The following ARRB1 variants were observed in gnomAD, a reference collection of about 807,000 sequenced individuals.
ARRB1 encodes the protein arrestin beta 1.
A neutral mutation model predicts 56.8 loss-of-function variants in ARRB1; 21 were observed. That is an observed-to-expected ratio of 0.37 (90% confidence interval 0.26 to 0.53). ARRB1 has a LOEUF of 0.53. ARRB1 is among the 20% of genes least tolerant of loss of function. The pLI is 0.88. For missense variants in ARRB1, 424 were observed against 553.7 expected (o/e 0.77, Z 2.35); for synonymous variants, 210 against 218.6 (o/e 0.96, Z 0.35).
At chr11:75,315,013 C>A (rs1171104452) in intron 1 of ARRB1, among the ~76,000 whole-genome samples, 2 of 152,176 alleles carry the variant, frequency 1.3e-5, no homozygotes, top group Non-Finnish European at 1.5e-5. Flanking sequence ...GAGAGCAGGG[C>A]CTGCACTCGG....
At chr11:75,314,860 G>A (rs546884298) in intron 1 of ARRB1, among the ~76,000 whole-genome samples, 9 of 152,254 alleles carry the variant, frequency 5.9e-5, no homozygotes, top group African/African-American at 1.9e-4. Flanking sequence ...ACCCGCCTCG[G>A]CCTCCCAAAG....
At chr11:75,297,140 G>T (rs1676603178) in intron 1 of ARRB1, among the ~76,000 whole-genome samples, 1 of 152,130 alleles carries the variant, frequency 6.6e-6, no homozygotes, top group Non-Finnish European at 1.5e-5. Flanking sequence ...ATGTTAAGAT[G>T]CCTACGCTCC....
chr11:75,261,198 G>GTGTGTGTGTGTGTA lies in ARRB1; in HGVS notation c.*4964_*4965insTACACACACACACA, dbSNP rs1945781853. On this transcript the variant is annotated 3_prime_UTR_variant, in exon 16 of 16. Coordinates refer to ENST00000420843, the MANE Select transcript of ARRB1 (RefSeq NM_004041.5). ...ACTATGTACGTGTGTGTGTGTGTGT[G>GTGTGTGTGTGTGTA]TGTGTGTGTGTGTGTGTGTGTGTAT... 6.6e-6 allele frequency: 1 copy of GTGTGTGTGTGTGTA among 151,736 alleles called. No homozygotes were observed. Among genetic ancestry groups the GTGTGTGTGTGTGTA allele is most frequent in the African/African-American group, 2.4e-5 (1 of 41,108 alleles). The allele number at this position is 151,736 out of a possible 1,614,324, so 9.4% of individuals were successfully genotyped here. A position where few individuals can be genotyped will look rare whatever the true frequency, so the allele number is the denominator to read the frequency against.
At chr11:75,305,024 T>TC (rs1451865212) in intron 1 of ARRB1, among the ~76,000 whole-genome samples, 28 of 136,590 alleles carry the variant, frequency 2.0e-4, no homozygotes, top group Middle Eastern at 3.6e-3. Flanking sequence ...CTTTCTTTTT[T>TC]TTTTTTTTTT....
intron 6 of ARRB1, 49 bp from the exon 7 acceptor site, chr11:75,281,191 C>T: frequency 6.5e-7 from 1 of 1,531,324 alleles, no homozygotes; most frequent in Non-Finnish European, 8.9e-7. Flanking sequence ...AGCAGGGTCC[C>T]CAGTACACAG....
intron 1 of ARRB1, among the ~76,000 whole-genome samples, chr11:75,321,016 A>G (rs974046961): frequency 3.9e-5 from 6 of 152,098 alleles, no homozygotes; most frequent in Admixed American, 1.3e-4. Flanking sequence ...ACAGACACAC[A>G]CATACACTCA....
intron 1 of ARRB1, among the ~76,000 whole-genome samples, chr11:75,299,560 G>A (rs996745543): frequency 3.9e-5 from 6 of 152,044 alleles, no homozygotes; most frequent in Admixed American, 2.6e-4. Context: ...ATGTTTCTGT[G>A]AATCCTGAGA....
chr11:75,283,361 T>C lies in ARRB1; in HGVS notation c.280A>G (p.Lys94Glu). The C allele has an allele frequency of 6.2e-7, 1 of 1,614,136 alleles. No individual in the cohort carries two copies. The highest frequency in any genetic ancestry group is 1.3e-5 in the African/African-American group (1 of 75,046). ...VQSFPPAPEDKKPLTRLQERL... is the reference protein window; with the variant it reads ...VQSFPPAPEDEKPLTRLQERL... ...TCCTGCAGCCGCGTCAGGGGCTTCT[T>C]GTCCTCGGGGGCCGGTGGGAACGAC... Residue 94 changes from lysine to glutamate, a missense_variant, in exon 5 of 16, where the codon AAG (lysine) becomes GAG (glutamate). By Grantham distance (56) the Lys-to-Glu change is moderately conservative. Around this residue, in one of 3 missense-constraint regions of ARRB1, gnomAD observed 301 missense variants for 387.9 expected, o/e 0.78. Transcript: ENST00000420843.
At chr11:75,331,257 C>T (rs561535392) in intron 1 of ARRB1, among the ~76,000 whole-genome samples, 2 of 152,220 alleles carry the variant, frequency 1.3e-5, no homozygotes, top group African/African-American at 4.8e-5. Flanking sequence ...GTGATCCGTC[C>T]GCCTAGGCCT....
intron 13 of ARRB1, 113 bp from the exon 14 acceptor site, chr11:75,269,072 T>C: frequency 8.3e-7 from 1 of 1,207,458 alleles, no homozygotes; most frequent in Non-Finnish European, 1.2e-6. Flanking sequence ...TCAGAGGAGG[T>C]AGATCCAAAA....
intron 1 of ARRB1, among the ~76,000 whole-genome samples, chr11:75,322,033 A>T (rs1283682426): frequency 6.6e-6 from 1 of 152,238 alleles, no homozygotes; most frequent in African/African-American, 2.4e-5. Context: ...TCATACAAAC[A>T]AGTATATGGT....
chr11:75,268,418 T>C (rs758297939), intron 14 of ARRB1, among the ~76,000 whole-genome samples: 1 of 145,246 alleles, frequency 6.9e-6, no homozygotes, highest in East Asian at 2.0e-4. Flanking sequence ...GGCAGGAGAA[T>C]CTCTTGAGCC....
intron 13 of ARRB1, among the ~76,000 whole-genome samples, chr11:75,270,604 C>A (rs915843448): frequency 6.7e-4 from 101 of 150,996 alleles, no homozygotes; most frequent in Non-Finnish European, 1.2e-3. Context: ...TCCAGCCTAC[C>A]CGACAGAGTG....
rs1232348403 is a variant in ARRB1, at chr11:75,262,217, G to T, written c.*3946C>A. 6.6e-6 allele frequency: 1 copy of T among 152,236 alleles called. No individual in the cohort carries two copies. The allele number at this position is 152,236 out of a possible 1,614,324, so 9.4% of individuals were successfully genotyped here. A position where few individuals can be genotyped will look rare whatever the true frequency, so the allele number is the denominator to read the frequency against. On this transcript the variant is annotated 3_prime_UTR_variant, in exon 16 of 16. Coordinates refer to ENST00000420843, the MANE Select transcript of ARRB1 (RefSeq NM_004041.5). The stretch of plus-strand genomic sequence containing the variant: ...TTTCAGCTCCCTGAGCCTGGGGGCT[G>T]GTGGCTCTCTTTAACCTGGGTCAGA...
intron 1 of ARRB1, among the ~76,000 whole-genome samples, chr11:75,337,385 A>G (rs1445437268): frequency 2.0e-5 from 3 of 151,796 alleles, no homozygotes; most frequent in Admixed American, 6.6e-5. Context: ...ACAGAAAAGG[A>G]AAAAAAAAGT....
rs1404946131 is a variant in ARRB1, at chr11:75,262,346, G to T, written c.*3817C>A. Reference sequence around the variant, plus strand: ...CTCCACCAATCACTGACAATATCCAGGTCTTCCCTCTGTGTCCTGGTTGCT... The same window carrying T: ...CTCCACCAATCACTGACAATATCCATGTCTTCCCTCTGTGTCCTGGTTGCT... On this transcript the variant is annotated 3_prime_UTR_variant, in exon 16 of 16. Transcript: ENST00000420843. 6.6e-6 allele frequency: 1 copy of T among 152,250 alleles called. No individual in the cohort carries two copies. The highest frequency in any genetic ancestry group is 1.5e-5 in the Non-Finnish European group (1 of 68,080). The allele number at this position is 152,250 out of a possible 1,614,324, so 9.4% of individuals were successfully genotyped here. A position where few individuals can be genotyped will look rare whatever the true frequency, so the allele number is the denominator to read the frequency against.
At chr11:75,346,026 A>G (rs1204237727) in intron 1 of ARRB1, among the ~76,000 whole-genome samples, 1 of 152,044 alleles carries the variant, frequency 6.6e-6, no homozygotes, top group Non-Finnish European at 1.5e-5. Flanking sequence ...AATGAATAAG[A>G]AAGTACCTTG....
chr11:75,302,685 G>T (rs1234270593), intron 1 of ARRB1, among the ~76,000 whole-genome samples: 1 of 152,112 alleles, frequency 6.6e-6, no homozygotes, highest in Admixed American at 6.5e-5. Context: ...TAGAGAATGG[G>T]GATAATATCC....
At chr11:75,319,371 G>A (rs1218285545) in intron 1 of ARRB1, among the ~76,000 whole-genome samples, 1 of 152,192 alleles carries the variant, frequency 6.6e-6, no homozygotes, top group African/African-American at 2.4e-5. Flanking sequence ...CACTCCAGGA[G>A]GCCAGGGTGC....
Sources: gnomAD v4.1 joint callset for allele counts (sites outside exome capture counted in the v4.1 genomes callset) on GRCh38, gnomAD v4.1.1 for gene constraint, gnomAD v4.1.1 regional missense constraint, MANE v1.5 for transcripts, NCBI Gene and HGNC (gene_info 2026-07-23, HGNC 2026-07-21) for gene names.